Variants in LMCD1 observed in about 807,000 individuals in gnomAD.
LMCD1 encodes the protein LIM and cysteine rich domains 1.
A neutral mutation model predicts 42.7 loss-of-function variants in LMCD1; 32 were observed. The ratio of observed to expected loss-of-function variants is 0.75; its 90% CI spans 0.57 to 1.01. LMCD1 has a LOEUF of 1.01. Among genes scored for constraint, LMCD1 ranks in the 50% least tolerant of loss-of-function variants. LMCD1 has a pLI of 0.00. For synonymous variants in LMCD1, 178 were observed against 184.9 expected (o/e 0.96, Z 0.30); for missense variants, 458 against 483.1 (o/e 0.95, Z 0.49).
intron 1 of LMCD1, among the ~76,000 whole-genome samples, chr3:8,510,088 C>T (rs1436166991): frequency 2.0e-5 from 3 of 152,298 alleles, no homozygotes; most frequent in Middle Eastern, 3.4e-3. Context: ...TGACTAATGA[C>T]CTCATAAGAA....
At position 8,574,401 on chromosome 3, in the gene LMCD1, A is replaced by G. The variant is rs376649386; in HGVS notation, c.*6803A>G. Reference sequence around the variant, plus strand: ...GTCCCTGTGAGAGCAACAGGAGCAAAGCATGGAGAAGAAGCAATCTTGGAG... The same window carrying G: ...GTCCCTGTGAGAGCAACAGGAGCAAGGCATGGAGAAGAAGCAATCTTGGAG... On this transcript the variant is annotated 3_prime_UTR_variant, in exon 6 of 6. Transcript: ENST00000157600. 12 of 152,342 alleles carry G rather than the reference A, an allele frequency of 7.9e-5. No homozygotes were observed. In the East Asian group the frequency reaches 1.5e-3, roughly 20 times the overall value. The allele number at this position is 152,342 out of a possible 1,614,324, so 9.4% of individuals were successfully genotyped here. A position where few individuals can be genotyped will look rare whatever the true frequency, so the allele number is the denominator to read the frequency against.
intron 4 of LMCD1, among the ~76,000 whole-genome samples, chr3:8,559,427 A>G (rs1001541166): frequency 1.5e-4 from 23 of 152,248 alleles, no homozygotes; most frequent in African/African-American, 5.1e-4. Context: ...TCACACCACA[A>G]TCCTATGAGG....
At chr3:8,541,071 G>A (rs1165017989) in intron 3 of LMCD1, among the ~76,000 whole-genome samples, 1 of 152,196 alleles carries the variant, frequency 6.6e-6, no homozygotes, top group African/African-American at 2.4e-5. Context: ...AGGAAGAGAA[G>A]AATCAGAACA....
chr3:8,528,295 C>G (rs897655480), intron 1 of LMCD1, among the ~76,000 whole-genome samples: 1 of 152,100 alleles, frequency 6.6e-6, no homozygotes, highest in Non-Finnish European at 1.5e-5. Flanking sequence ...TTCAAGTGAT[C>G]CTCCAGCCTC....
intron 1 of LMCD1, among the ~76,000 whole-genome samples, chr3:8,525,510 T>C (rs1272757208): frequency 2.0e-5 from 3 of 152,226 alleles, no homozygotes; most frequent in African/African-American, 7.2e-5. Flanking sequence ...CTATTGTGAA[T>C]AGCGCTGCAG....
intron 1 of LMCD1, among the ~76,000 whole-genome samples, chr3:8,521,242 C>A (rs1410880167): frequency 6.6e-6 from 1 of 152,178 alleles, no homozygotes; most frequent in African/African-American, 2.4e-5. Context: ...GTTCGCCCTG[C>A]CAACAGAATG....
Position 8,548,857 on chromosome 3 carries a change from C to A in LMCD1, c.677C>A (p.Ala226Asp). ...CCAGAGGGGGCAGAGACCACTGCTG[C>A]TACCACCAACGGCAGTCTCAGTGAC... is the stretch of plus-strand genomic sequence containing the variant. ...EKPEGAETTA[A>D]TTNGSLSDPS... Residue 226 changes from alanine (A) to aspartate (D), a missense_variant, in exon 4 of 6, where the codon GCT (alanine) becomes GAT (aspartate). Transcript: ENST00000157600. The A allele has an allele frequency of 6.4e-7, 1 of 1,569,708 alleles. No homozygotes were observed. Among genetic ancestry groups the A allele is most frequent in the Non-Finnish European group, 8.7e-7 (1 of 1,153,442 alleles).
intron 1 of LMCD1, among the ~76,000 whole-genome samples, chr3:8,505,687 G>T (rs539144070): frequency 6.6e-6 from 1 of 152,380 alleles, no homozygotes; most frequent in African/African-American, 2.4e-5. Context: ...GGCATTAAAT[G>T]ATGGTACTTC....
intron 1 of LMCD1, among the ~76,000 whole-genome samples, chr3:8,526,477 G>A (rs1694303058): frequency 7.1e-6 from 1 of 141,490 alleles, no homozygotes; most frequent in African/African-American, 2.6e-5. Flanking sequence ...GCACCAAACA[G>A]TCTAGTGCAA....
rs965405807 is a variant in LMCD1, at chr3:8,571,062, T to C, written c.*3464T>C. The C allele has an allele frequency of 6.6e-6, 1 of 152,288 alleles. No homozygotes were observed. Among genetic ancestry groups the C allele is most frequent in the South Asian group, 2.1e-4 (1 of 4,824 alleles). 9.4% of individuals were successfully genotyped at this position (152,288 alleles called of 1,614,324 possible). A position where few individuals can be genotyped will look rare whatever the true frequency, so the allele number is the denominator to read the frequency against. On this transcript the variant is annotated 3_prime_UTR_variant, in exon 6 of 6. Coordinates refer to ENST00000157600, the MANE Select transcript of LMCD1 (RefSeq NM_014583.4). ...AACTCTTGCCTGATTCTATCTCCCA[T>C]GTCAGCAGGAAGAGGGGCTGCCATC...
intron 4 of LMCD1, among the ~76,000 whole-genome samples, chr3:8,559,455 G>A (rs1004823146): frequency 6.6e-6 from 1 of 152,088 alleles, no homozygotes; most frequent in Non-Finnish European, 1.5e-5. Context: ...CATTACTATC[G>A]CCATTCAACA....
At chr3:8,542,825 G>A (rs1032189096) in intron 3 of LMCD1, among the ~76,000 whole-genome samples, 1 of 152,194 alleles carries the variant, frequency 6.6e-6, no homozygotes, top group Non-Finnish European at 1.5e-5. Context: ...GGTAACATTA[G>A]TACCTTCCTC....
At chr3:8,516,564 C>T (rs909378450) in intron 1 of LMCD1, among the ~76,000 whole-genome samples, 1 of 151,982 alleles carries the variant, frequency 6.6e-6, no homozygotes, top group Non-Finnish European at 1.5e-5. Context: ...TTCTTCTTAT[C>T]CTGAAAACTT....
intron 4 of LMCD1, among the ~76,000 whole-genome samples, chr3:8,562,880 T>C (rs141437683): frequency 5.6e-4 from 85 of 152,330 alleles, no homozygotes; most frequent in African/African-American, 2.0e-3. Context: ...TAGCACACAG[T>C]AGATGCTCAG....
At chr3:8,535,163 C>G (rs1694487304) in intron 2 of LMCD1, among the ~76,000 whole-genome samples, 1 of 152,188 alleles carries the variant, frequency 6.6e-6, no homozygotes, top group Non-Finnish European at 1.5e-5. Flanking sequence ...CCTTCCACTT[C>G]CAGCCCTGCT....
At chr3:8,508,822 G>A (rs1693936059) in intron 1 of LMCD1, among the ~76,000 whole-genome samples, 1 of 152,156 alleles carries the variant, frequency 6.6e-6, no homozygotes, top group Non-Finnish European at 1.5e-5. Flanking sequence ...CACCCCCAGA[G>A]TATCCCAGTT....
At chr3:8,540,803 T>C (rs895473427) in intron 3 of LMCD1, among the ~76,000 whole-genome samples, 2 of 152,150 alleles carry the variant, frequency 1.3e-5, no homozygotes, top group African/African-American at 2.4e-5. Context: ...ATGTGCTGAG[T>C]ATGTTACAGG....
intron 4 of LMCD1, among the ~76,000 whole-genome samples, chr3:8,561,904 A>G (rs1226189677): frequency 6.6e-6 from 1 of 152,194 alleles, no homozygotes; most frequent in African/African-American, 2.4e-5. Flanking sequence ...GATAACTCCA[A>G]AATGACTCAA....
In LMCD1 at chr3:8,555,142, C is replaced by T. The variant is rs542034602; in HGVS notation, c.723+6239C>T. Among the ~76,000 whole-genome samples the T allele has an allele frequency of 2.0e-5, 3 of 152,262 alleles. No individual in the cohort carries two copies. In the South Asian group the frequency reaches 6.2e-4, roughly 32 times the overall value. ...GTCTGACCCCTCTGCCCCATTTCCCCACAAGAATGCTGAGAGGGGGACGGG... is the reference window on the plus strand; with the variant it reads ...GTCTGACCCCTCTGCCCCATTTCCCTACAAGAATGCTGAGAGGGGGACGGG... On this transcript the variant is annotated intron_variant, in intron 4 of 5. Transcript: ENST00000157600.
Sources: gnomAD v4.1 joint callset for allele counts (sites outside exome capture counted in the v4.1 genomes callset) on GRCh38, gnomAD v4.1.1 for gene constraint, MANE v1.5 for transcripts, NCBI Gene and HGNC (gene_info 2026-07-23, HGNC 2026-07-21) for gene names.